Variants in ANK3 observed in about 807,000 individuals in gnomAD.
The protein encoded by ANK3 is ankyrin 3.
A neutral mutation model predicts 370.9 loss-of-function variants in ANK3; 57 were observed. The ratio of observed to expected loss-of-function variants is 0.15; its 90% CI spans 0.12 to 0.19. ANK3 has a LOEUF of 0.19. Among genes scored for constraint, ANK3 ranks in the 10% least tolerant of loss-of-function variants. The probability of loss-of-function intolerance (pLI) is 1.00; values close to 1 mark genes in which losing one functional copy is unlikely to be tolerated. For synonymous variants in ANK3, 1,929 were observed against 1,946.3 expected, an observed-to-expected ratio of 0.99 and a Z score of 0.23; for missense variants, 4,439 against 5,302.1, an observed-to-expected ratio of 0.84 and a Z score of 5.06.
At chr10:60,564,777 T>C (rs192854107) in intron 2 of ANK3, among the ~76,000 whole-genome samples, 1 of 152,316 alleles carries the variant, frequency 6.6e-6, no homozygotes, top group Admixed American at 6.5e-5. Context: ...TTACGAAGTC[T>C]ACCCTTAGAA....
chr10:60,486,223 G>A (rs10994376), intron 2 of ANK3, among the ~76,000 whole-genome samples: 70,136 of 151,928 alleles, frequency 0.46, 16,677 homozygotes, highest in Middle Eastern at 0.56. Context: ...CTAATAAAAA[G>A]AATAGTGAAT....
chr10:60,363,840 GTCCTTTC>G, intron 1 of ANK3, among the ~76,000 whole-genome samples: 1 of 152,122 alleles, frequency 6.6e-6, no homozygotes, highest in Non-Finnish European at 1.5e-5. Context: ...TGCATATAAT[GTCCTTTC>G]TAAATCCCTT....
chr10:60,247,433 T>G (rs778665504), intron 7 of ANK3, among the ~76,000 whole-genome samples: 10 of 152,162 alleles, frequency 6.6e-5, no homozygotes, highest in Non-Finnish European at 1.3e-4. Context: ...TTCAGCAGCA[T>G]TAAGTACACA....
chr10:60,278,484 C>T (rs1486764026), intron 4 of ANK3, among the ~76,000 whole-genome samples: 2 of 152,100 alleles, frequency 1.3e-5, no homozygotes, highest in African/African-American at 2.4e-5. Context: ...AAGTGACTCT[C>T]GTGCCTCAGC....
chr10:60,560,089 A>G (rs1282839624), intron 2 of ANK3, among the ~76,000 whole-genome samples: 1 of 152,186 alleles, frequency 6.6e-6, no homozygotes, highest in African/African-American at 2.4e-5. Flanking sequence ...AGAGATAGAA[A>G]AATATAATTG....
intron 2 of ANK3, among the ~76,000 whole-genome samples, chr10:60,485,974 G>A (rs895379609): frequency 6.6e-6 from 1 of 152,110 alleles, no homozygotes; most frequent in African/African-American, 2.4e-5. Flanking sequence ...AGGAAAAAAA[G>A]CAAAGAGGAA....
At chr10:60,713,258 C>T (rs536287939) in intron 1 of ANK3, among the ~76,000 whole-genome samples, 15 of 152,080 alleles carry the variant, frequency 9.9e-5, no homozygotes, top group Non-Finnish European at 2.2e-4. Flanking sequence ...ACAAAGTATG[C>T]TCTCACACCA....
At chr10:60,140,335 C>A in intron 23 of ANK3, 1 of 1,613,430 alleles carries the variant, frequency 6.2e-7, no homozygotes, top group Non-Finnish European at 8.5e-7. Context: ...ACACCAAGTA[C>A]AACTCAAAGA....
At chr10:60,093,134 A>G (rs1354253946) in intron 28 of ANK3, among the ~76,000 whole-genome samples, 1 of 152,226 alleles carries the variant, frequency 6.6e-6, no homozygotes, top group African/African-American at 2.4e-5. Flanking sequence ...TATTCAATGT[A>G]ACTGAAAGGA....
At chr10:60,565,737 A>G (rs2077443969) in intron 2 of ANK3, among the ~76,000 whole-genome samples, 1 of 152,188 alleles carries the variant, frequency 6.6e-6, no homozygotes, top group Admixed American at 6.5e-5. Context: ...CATCTGGGAA[A>G]CACATATCTT....
chr10:60,255,234 T>A (rs1176505380), intron 7 of ANK3, among the ~76,000 whole-genome samples: 1 of 152,202 alleles, frequency 6.6e-6, no homozygotes, highest in Non-Finnish European at 1.5e-5. Flanking sequence ...GCAGGCAGAA[T>A]TGTTGATGTT....
At position 60,198,483 on chromosome 10, in the gene ANK3, G is replaced by T; in HGVS notation, c.1546C>A (p.Gln516Lys). ...SARLGKADIV[Q>K]QLLQQGASPN... ...GATGCCCCTTGCTGCAACAGCTGTT[G>T]TACTATGTCTGCTTTCCCCAGTCGG... is the stretch of plus-strand genomic sequence containing the variant. The change falls in exon 14 of 44, where the codon CAA becomes AAA. Residue 516 changes from glutamine (Q) to lysine (K), a missense_variant. Physicochemically the swap from Gln to Lys is moderately conservative, Grantham distance 53. Coordinates refer to ENST00000280772, the MANE Select transcript of ANK3 (RefSeq NM_020987.5). 1 of 1,614,200 alleles carries T rather than the reference G, an allele frequency of 6.2e-7. No individual in the cohort carries two copies. The highest frequency in any genetic ancestry group is 8.5e-7 in the Non-Finnish European group (1 of 1,180,024).
At chr10:60,461,930 C>T (rs2064894507) in intron 2 of ANK3, among the ~76,000 whole-genome samples, 1 of 152,166 alleles carries the variant, frequency 6.6e-6, no homozygotes, top group South Asian at 2.1e-4. Flanking sequence ...CTGTACAATG[C>T]TGCTTAGATG....
At chr10:60,395,636 CT>C (rs2063220888) in intron 2 of ANK3, among the ~76,000 whole-genome samples, 1 of 150,366 alleles carries the variant, frequency 6.7e-6, no homozygotes, top group East Asian at 2.0e-4. Flanking sequence ...CTCTCTCTCT[CT>C]CTCTCTCTCT....
In ANK3 at chr10:60,067,926, T is replaced by C. The variant is rs1361425514; in HGVS notation, c.12319+9A>G. ...CTAATTTGTTCCATTCAGGAGTGTA[T>C]GCACTTACCTGTCCAACTAAGTCCC... On this transcript the variant is annotated intron_variant, in intron 38 of 43. Transcript: ENST00000280772. 3.1e-6 allele frequency: 5 copies of C among 1,600,268 alleles called. No homozygotes were observed. The African/African-American group carries it at 6.7e-5, about 21-fold the overall frequency.
At chr10:60,471,973 G>A (rs2065230955) in intron 2 of ANK3, among the ~76,000 whole-genome samples, 2 of 152,022 alleles carry the variant, frequency 1.3e-5, no homozygotes, top group East Asian at 1.9e-4. Flanking sequence ...ATTTGATAAG[G>A]AGTCATTATC....
intron 2 of ANK3, among the ~76,000 whole-genome samples, chr10:60,429,023 AG>A (rs11302651): frequency 0.21 from 32,032 of 152,050 alleles, 4,012 homozygotes; most frequent in African/African-American, 0.36. Context: ...GGAGCCCAAA[AG>A]TTCAGTGTTA....
At chr10:60,307,398 T>C (rs2132831028) in intron 1 of ANK3, among the ~76,000 whole-genome samples, 1 of 152,198 alleles carries the variant, frequency 6.6e-6, no homozygotes, top group South Asian at 2.1e-4. Context: ...AATGGCATGA[T>C]CATAGCTCAC....
intron 2 of ANK3, among the ~76,000 whole-genome samples, chr10:60,437,350 A>C (rs965657051): frequency 3.3e-5 from 5 of 152,216 alleles, no homozygotes; most frequent in African/African-American, 7.2e-5. Context: ...GGTGGGAGAA[A>C]ACAGCTGAAG....
Sources: gnomAD v4.1 joint callset for allele counts (sites outside exome capture counted in the v4.1 genomes callset) on GRCh38, gnomAD v4.1.1 for gene constraint, MANE v1.5 for transcripts, NCBI Gene and HGNC (gene_info 2026-07-23, HGNC 2026-07-21) for gene names.